Variants in ARHGAP31 observed in about 807,000 individuals in gnomAD.
ARHGAP31 encodes Rho GTPase activating protein 31.
In ARHGAP31, 34 loss-of-function variants were observed where a neutral mutation model predicts 113.9. The ratio of observed to expected loss-of-function variants is 0.30; its 90% CI spans 0.23 to 0.40. The LOEUF (loss-of-function observed/expected upper bound fraction) is 0.40. Among genes scored for constraint, ARHGAP31 ranks in the 10% least tolerant of loss-of-function variants. The pLI is 1.00. For missense variants in ARHGAP31, 1,548 were observed against 1,767.1 expected (o/e 0.88, Z 2.22); for synonymous variants, 650 against 684.8 (o/e 0.95, Z 0.79).
Position 119,294,756 on chromosome 3 carries a change from G to A in ARHGAP31, c.-149G>A, listed in dbSNP as rs62265186. ...GGCCCGCGGCCCGCGGGGTCCATGC[G>A]CAGGGCCCCCAGCCCAAGTTCTTCC... On this transcript the variant is annotated 5_prime_UTR_variant, in exon 1 of 12. Transcript: ENST00000264245. The A allele has an allele frequency of 0.017, 13,106 of 752,940 alleles. 159 individuals are homozygous for A. The highest frequency in any genetic ancestry group is 0.024 in the Middle Eastern group (66 of 2,696). The allele number at this position is 752,940 out of a possible 1,614,324, so 46.6% of individuals were successfully genotyped here. A position where few individuals can be genotyped will look rare whatever the true frequency, so the allele number is the denominator to read the frequency against.
rs1378318297 is a variant in ARHGAP31 at position 119,390,655 on chromosome 3, C to A, written c.683-130C>A. The A allele has an allele frequency of 7.8e-6, 8 of 1,024,504 alleles. No individual in the cohort carries two copies. In the Admixed American group the frequency reaches 1.6e-4, roughly 20 times the overall value. 63.5% of individuals were successfully genotyped at this position (1,024,504 alleles called of 1,614,324 possible). On this transcript the variant is annotated intron_variant, in intron 6 of 11. Coordinates refer to ENST00000264245, the MANE Select transcript of ARHGAP31 (RefSeq NM_020754.4). ...AGCCTCAGCCCCAGGCCCCACCATGCCCAAGAGAAGCCAGGGTGGCACTCA... is the reference window on the plus strand; with the variant it reads ...AGCCTCAGCCCCAGGCCCCACCATGACCAAGAGAAGCCAGGGTGGCACTCA...
chr3:119,369,000 G>A (rs2080273765), intron 3 of ARHGAP31, among the ~76,000 whole-genome samples: 1 of 152,096 alleles, frequency 6.6e-6, no homozygotes, highest in Non-Finnish European at 1.5e-5. Flanking sequence ...CAGAAAGCTG[G>A]GAAGAGAAAA....
At position 119,416,998 on chromosome 3, in the gene ARHGAP31, C is replaced by T. The variant is rs1452061020; in HGVS notation, c.*734C>T. The T allele has an allele frequency of 6.4e-6, 1 of 155,140 alleles. No homozygotes were observed. The highest frequency in any genetic ancestry group is 2.4e-5 in the African/African-American group (1 of 41,464). 9.6% of individuals were successfully genotyped at this position (155,140 alleles called of 1,614,324 possible). ...CTCTGGCTTTTAGTAATTTGGGACT[C>T]CAACTGCCACTGTACTGGACTGTAA... On this transcript the variant is annotated 3_prime_UTR_variant, in exon 12 of 12. Transcript: ENST00000264245.
chr3:119,374,188 T>TG (rs1032727388), intron 3 of ARHGAP31, among the ~76,000 whole-genome samples: 3 of 152,166 alleles, frequency 2.0e-5, no homozygotes, highest in Non-Finnish European at 4.4e-5. Context: ...GACTGGATCA[T>TG]GGGGGTTGAT....
At chr3:119,310,808 C>T (rs983198267) in intron 1 of ARHGAP31, among the ~76,000 whole-genome samples, 2 of 152,158 alleles carry the variant, frequency 1.3e-5, no homozygotes, top group Non-Finnish European at 2.9e-5. Context: ...TGCTCACACG[C>T]CTGGGAAGAT....
At chr3:119,367,317 C>T (rs1421284363) in intron 2 of ARHGAP31, among the ~76,000 whole-genome samples, 2 of 152,150 alleles carry the variant, frequency 1.3e-5, no homozygotes, top group African/African-American at 4.8e-5. Context: ...CTTAACTTCT[C>T]TTCTATATTA....
chr3:119,402,242 G>A lies in ARHGAP31; in HGVS notation c.1490G>A (p.Arg497His). ...CCCTTTGCGGTATCTGTGCCGCTCC[G>A]CGTGTCCGCAGTCATCAGCACCAAC... ...SEPFAVSVPL[R>H]VSAVISTNST... The change falls in exon 10 of 12, where the codon CGC (arginine) becomes CAC (histidine). Residue 497 changes from arginine to histidine, a missense_variant. Physicochemically the swap from Arg to His is conservative, Grantham distance 29. Transcript: ENST00000264245. 6.2e-7 allele frequency: 1 copy of A among 1,614,244 alleles called. No homozygotes were observed.
At chr3:119,386,646 GC>G (rs1172220814) in intron 6 of ARHGAP31, among the ~76,000 whole-genome samples, 2 of 152,200 alleles carry the variant, frequency 1.3e-5, no homozygotes, top group African/African-American at 4.8e-5. Flanking sequence ...AGACAGTTGG[GC>G]CCGGGGGACC....
intron 10 of ARHGAP31, among the ~76,000 whole-genome samples, chr3:119,403,031 C>T (rs1022698798): frequency 6.6e-6 from 1 of 152,170 alleles, no homozygotes; most frequent in African/African-American, 2.4e-5. Flanking sequence ...TGAGATTGGC[C>T]AGACTTGAGT....
At chr3:119,356,404 G>T (rs2080157511) in intron 1 of ARHGAP31, among the ~76,000 whole-genome samples, 1 of 152,134 alleles carries the variant, frequency 6.6e-6, no homozygotes, top group Admixed American at 6.5e-5. Context: ...GCCGAGGCAG[G>T]TAGATCACCT....
chr3:119,316,269 C>T (rs1475253477), intron 1 of ARHGAP31, among the ~76,000 whole-genome samples: 3 of 152,170 alleles, frequency 2.0e-5, no homozygotes, highest in Non-Finnish European at 4.4e-5. Context: ...AAACAGTGTG[C>T]TTTGAAAATA....
intron 3 of ARHGAP31, among the ~76,000 whole-genome samples, chr3:119,377,577 G>C (rs1298662495): frequency 6.6e-6 from 1 of 152,096 alleles, no homozygotes; most frequent in Admixed American, 6.5e-5. Flanking sequence ...TGGAAATGAC[G>C]GGAGACGGAG....
intron 1 of ARHGAP31, among the ~76,000 whole-genome samples, chr3:119,306,428 G>C (rs370718379): frequency 1.3e-5 from 2 of 152,202 alleles, no homozygotes; most frequent in East Asian, 3.9e-4. Context: ...ATGGTGGCGC[G>C]TGCCTGTAAT....
chr3:119,319,939 G>A (rs1009262539), intron 1 of ARHGAP31, among the ~76,000 whole-genome samples: 3 of 152,168 alleles, frequency 2.0e-5, no homozygotes, highest in African/African-American at 7.2e-5. Flanking sequence ...GATCTCCCCT[G>A]GCAGGGGAAG....
intron 3 of ARHGAP31, among the ~76,000 whole-genome samples, chr3:119,369,475 A>G (rs372760453): frequency 1.3e-4 from 20 of 152,346 alleles, no homozygotes; most frequent in African/African-American, 4.8e-4. Context: ...GCGAGGTTAC[A>G]GTTTTGGGTA....
chr3:119,315,337 C>G (rs2079719873), intron 1 of ARHGAP31, among the ~76,000 whole-genome samples: 1 of 152,172 alleles, frequency 6.6e-6, no homozygotes, highest in South Asian at 2.1e-4. Context: ...TTATTATCTG[C>G]AACTTGCTCT....
rs2107640706 is a variant in ARHGAP31 at position 119,402,002 on chromosome 3, G to C, written c.1250G>C (p.Arg417Pro). The change falls in exon 10 of 12, where the codon CGC becomes CCC. Residue 417 changes from arginine (R) to proline (P), a missense_variant. Physicochemically the swap from Arg to Pro is moderately radical, Grantham distance 103. Coordinates refer to ENST00000264245, the MANE Select transcript of ARHGAP31 (RefSeq NM_020754.4). ...AEGGFDVSSDRSHLQGAQARP... is the reference protein window; with the variant it reads ...AEGGFDVSSDPSHLQGAQARP... The stretch of plus-strand genomic sequence containing the variant: ...GGTGGCTTTGATGTGAGCAGTGATC[G>C]CAGCCATCTCCAGGGCGCTCAGGCC... 2.5e-6 allele frequency: 4 copies of C among 1,614,136 alleles called. No homozygotes were observed. In the South Asian group the frequency reaches 4.4e-5, roughly 18 times the overall value.
At chr3:119,365,921 AT>A (rs1282959149) in intron 2 of ARHGAP31, among the ~76,000 whole-genome samples, 3 of 152,066 alleles carry the variant, frequency 2.0e-5, no homozygotes, top group Non-Finnish European at 4.4e-5. Context: ...AAAATTACTG[AT>A]GGGTGAAAAA....
intron 1 of ARHGAP31, among the ~76,000 whole-genome samples, chr3:119,342,184 G>T (rs1169370259): frequency 6.6e-6 from 1 of 152,082 alleles, no homozygotes; most frequent in Non-Finnish European, 1.5e-5. Flanking sequence ...GTGTGTTATG[G>T]TTGTGTGAGC....
Sources: gnomAD v4.1 joint callset for allele counts (sites outside exome capture counted in the v4.1 genomes callset) on GRCh38, gnomAD v4.1.1 for gene constraint, MANE v1.5 for transcripts, NCBI Gene and HGNC (gene_info 2026-07-23, HGNC 2026-07-21) for gene names.